Variants in SRSF11 observed in about 807,000 individuals in gnomAD.
SRSF11 encodes serine and arginine rich splicing factor 11, also known as serine/arginine-rich splicing factor 11.
A neutral mutation model predicts 56.0 loss-of-function variants in SRSF11; 9 were observed. The observed-to-expected ratio is 0.16, with a 90% CI of 0.10 to 0.28. The LOEUF is 0.28. SRSF11 is among the 10% of genes least tolerant of loss of function. The pLI, the probability that SRSF11 is intolerant of heterozygous loss-of-function variation, is 1.00. For missense variants in SRSF11, 421 were observed against 600.7 expected, an observed-to-expected ratio of 0.70 and a Z score of 3.13; for synonymous variants, 222 against 215.3, an observed-to-expected ratio of 1.03 and a Z score of -0.27.
chr1:70,235,675 G>A (rs533092362), intron 5 of SRSF11, 125 bp downstream of exon 5: 4 of 880,382 alleles, frequency 4.5e-6, no homozygotes, highest in Non-Finnish European at 5.2e-6. Flanking sequence ...AATATGTATT[G>A]TTACCTAGAA....
intron 1 of SRSF11, among the ~76,000 whole-genome samples, chr1:70,206,096 A>G (rs535410776): frequency 1.3e-5 from 2 of 152,334 alleles, no homozygotes; most frequent in East Asian, 3.9e-4. Flanking sequence ...TTGAGGGTAT[A>G]TAGCTTACCC....
intron 8 of SRSF11, 109 bp downstream of exon 8, chr1:70,244,924 G>GAATAGA: frequency 2.0e-6 from 2 of 1,011,604 alleles, no homozygotes; most frequent in Non-Finnish European, 1.4e-6. Context: ...AATAGGGCTA[G>GAATAGA]ACAGGGGAAG....
intron 1 of SRSF11, among the ~76,000 whole-genome samples, chr1:70,209,740 CTTTTTTTTTTTTTTTTTTTTTTTTT>C (rs923729248): frequency 1.8e-4 from 5 of 27,482 alleles, no homozygotes; most frequent in African/African-American, 5.8e-4. Context: ...CACCTCGCTT[CTTTTTTTTTTTTTTTTTTTTTTTTT>C]TTTTTTTTTT....
chr1:70,250,269 G>A (rs1318515509), intron 10 of SRSF11, 96 bp from the exon 11 acceptor site: 40 of 1,537,594 alleles, frequency 2.6e-5, no homozygotes, highest in Non-Finnish European at 3.5e-5. Context: ...TTTTGAAGTT[G>A]GATCTTTGCT....
intron 1 of SRSF11, among the ~76,000 whole-genome samples, chr1:70,210,084 C>CA (rs1345195936): frequency 1.3e-5 from 2 of 151,888 alleles, no homozygotes; most frequent in Non-Finnish European, 2.9e-5. Context: ...CTCTGCTTCT[C>CA]TTATATACTT....
In SRSF11 at chr1:70,252,758, C is replaced by G. The variant is rs1228654081; in HGVS notation, c.*1953C>G. 2 of 152,092 alleles carry G rather than the reference C, an allele frequency of 1.3e-5. No individual in the cohort carries two copies. Among genetic ancestry groups the G allele is most frequent in the Non-Finnish European group, 2.9e-5 (2 of 68,012 alleles). 9.4% of individuals were successfully genotyped at this position (152,092 alleles called of 1,614,324 possible). A position where few individuals can be genotyped will look rare whatever the true frequency, so the allele number is the denominator to read the frequency against. ...AAAACAAATTTCACATATGGTAAAC[C>G]TAATATTCACAGTGTGTTCCCTCAC... On this transcript the variant is annotated 3_prime_UTR_variant, in exon 12 of 12. Transcript: ENST00000370949.
chr1:70,244,764 G>T lies in SRSF11; in HGVS notation c.881G>T (p.Arg294Ile). The T allele has an allele frequency of 6.2e-7, 1 of 1,614,176 alleles. No homozygotes were observed. Among genetic ancestry groups the T allele is most frequent in the Non-Finnish European group, 8.5e-7 (1 of 1,180,034 alleles). Residue 294 changes from arginine (R) to isoleucine (I), a missense_variant, in exon 8 of 12, where the codon AGA becomes ATA. By Grantham distance (97) the Arg-to-Ile change is moderately conservative. Around this residue, in one of 2 missense-constraint regions of SRSF11, gnomAD observed 253 missense variants for 305.8 expected, o/e 0.83. Coordinates refer to ENST00000370949, the MANE Select transcript of SRSF11 (RefSeq NM_001350605.2). ...RRRSKSPRRRRSHSRERGRRS... is the reference protein window; with the variant it reads ...RRRSKSPRRRISHSRERGRRS... Reference sequence around the variant, plus strand: ...CGATCCAAAAGCCCAAGGCGGAGAAGATCTCATTCCAGAGAAAGAGGTAGA... The same window carrying T: ...CGATCCAAAAGCCCAAGGCGGAGAATATCTCATTCCAGAGAAAGAGGTAGA...
intron 2 of SRSF11, chr1:70,231,274 A>G: frequency 2.5e-6 from 3 of 1,180,934 alleles, no homozygotes; most frequent in Non-Finnish European, 3.2e-6. Context: ...GCAAATATGT[A>G]GTTTAATTGT....
chr1:70,228,405 ATTTGTTTATTTTTTAG>A lies in SRSF11; in HGVS notation c.204-15_204del, dbSNP rs1672281815. The stretch of plus-strand genomic sequence containing the variant: ...TGCTATTCTGTTTCTCTTTTATGTT[ATTTGTTTATTTTTTAG>A]TGATTCGCCTTTGCCAGTCTCATCT... On this transcript the variant is annotated splice_acceptor_variant and splice_polypyrimidine_tract_variant and intron_variant, in intron 1 of 11. Coordinates refer to ENST00000370949, the MANE Select transcript of SRSF11 (RefSeq NM_001350605.2). LOFTEE classifies it high-confidence loss of function. 6.3e-7 allele frequency: 1 copy of A among 1,582,038 alleles called. No homozygotes were observed. The highest frequency in any genetic ancestry group is 8.7e-7 in the Non-Finnish European group (1 of 1,155,882).
intron 7 of SRSF11, among the ~76,000 whole-genome samples, chr1:70,243,444 A>G (rs1234962687): frequency 1.3e-5 from 2 of 150,346 alleles, no homozygotes; most frequent in African/African-American, 4.9e-5. Flanking sequence ...TGCCTACACT[A>G]AGGCACCGAG....
chr1:70,250,565 T>G, intron 11 of SRSF11, 43 bp from the exon 12 acceptor site: 2 of 1,608,906 alleles, frequency 1.2e-6, no homozygotes, highest in Non-Finnish European at 1.7e-6. Context: ...CAGAAGTTAT[T>G]TTTCTTTGGA....
At chr1:70,232,919 A>C (rs1411729191) in intron 3 of SRSF11, among the ~76,000 whole-genome samples, 2 of 152,218 alleles carry the variant, frequency 1.3e-5, no homozygotes, top group African/African-American at 4.8e-5. Flanking sequence ...ACTAAAAGGC[A>C]CTTTAAATAC....
At chr1:70,238,993 G>A (rs1254920769) in intron 6 of SRSF11, among the ~76,000 whole-genome samples, 2 of 152,160 alleles carry the variant, frequency 1.3e-5, no homozygotes, top group East Asian at 1.9e-4. Context: ...ATGGTTACTT[G>A]TGACATTCAA....
rs113904436 is a variant in SRSF11, at chr1:70,221,425, T to A, written c.-212T>A. 5.1e-6 allele frequency: 3 copies of A among 586,664 alleles called. No homozygotes were observed. The highest frequency in any genetic ancestry group is 2.3e-5 in the South Asian group (1 of 42,726). 36.3% of individuals were successfully genotyped at this position (586,664 alleles called of 1,614,324 possible). A position where few individuals can be genotyped will look rare whatever the true frequency, so the allele number is the denominator to read the frequency against. ...GGTGGGGCGGCCGTTTGTTTTCTCG[T>A]GGTCTCGAGCTCGCGCGCTCTCATC... On this transcript the variant is annotated 5_prime_UTR_variant, in exon 1 of 12. Coordinates refer to ENST00000370949, the MANE Select transcript of SRSF11 (RefSeq NM_001350605.2).
At position 70,252,703 on chromosome 1, in the gene SRSF11, A is replaced by G. The variant is rs1678118671; in HGVS notation, c.*1898A>G. 6.6e-6 allele frequency: 1 copy of G among 152,168 alleles called. No homozygotes were observed. Among genetic ancestry groups the G allele is most frequent in the South Asian group, 2.1e-4 (1 of 4,832 alleles). 9.4% of individuals were successfully genotyped at this position (152,168 alleles called of 1,614,324 possible). On this transcript the variant is annotated 3_prime_UTR_variant, in exon 12 of 12. Coordinates refer to ENST00000370949, the MANE Select transcript of SRSF11 (RefSeq NM_001350605.2). ...TTAAACTTTAGTAGATAAAAGGTGAACCATGTGACATGGGCATTTTTGTAA... is the reference window on the plus strand; with the variant it reads ...TTAAACTTTAGTAGATAAAAGGTGAGCCATGTGACATGGGCATTTTTGTAA...
intron 1 of SRSF11, 38 bp downstream of exon 1, chr1:70,221,877 G>T (rs1270093603): frequency 1.2e-6 from 2 of 1,610,758 alleles, no homozygotes; most frequent in Admixed American, 1.7e-5. Context: ...TGCTAACGCC[G>T]CCTCAGCCTG....
chr1:70,239,413 G>T, intron 6 of SRSF11, 26 bp from the exon 7 acceptor site: 6 of 1,535,540 alleles, frequency 3.9e-6, no homozygotes, highest in Non-Finnish European at 5.3e-6. Context: ...ACTTCTAAAT[G>T]CAGGTTCCTT....
intron 3 of SRSF11, among the ~76,000 whole-genome samples, chr1:70,232,730 C>T (rs1439609337): frequency 6.6e-6 from 1 of 152,060 alleles, no homozygotes; most frequent in Non-Finnish European, 1.5e-5. Context: ...ACAAGTGAGC[C>T]CTTCATTTTT....
chr1:70,219,725 T>C (rs1201002968), upstream of SRSF11, among the ~76,000 whole-genome samples: 2 of 152,220 alleles, frequency 1.3e-5, no homozygotes, highest in African/African-American at 2.4e-5. Context: ...CTAATGTTAG[T>C]TGATTTCTAT....
Sources: allele counts gnomAD v4.1 joint callset (sites outside exome capture counted in the v4.1 genomes callset), GRCh38; gene constraint gnomAD v4.1.1; regional missense constraint gnomAD v4.1.1; transcripts MANE v1.5; gene names NCBI Gene and HGNC (gene_info 2026-07-23, HGNC 2026-07-21).